The following SIDT1 variants were observed in gnomAD, a reference collection of about 807,000 sequenced individuals.
The protein encoded by SIDT1 is SID1 transmembrane family, member 1.
SIDT1 carries 101 observed loss-of-function variants against 107.5 expected under a neutral mutation model. The ratio of observed to expected loss-of-function variants is 0.94; its 90% CI spans 0.80 to 1.11. SIDT1 has a LOEUF of 1.11. Among genes scored for constraint, SIDT1 ranks in the 50% least tolerant of loss-of-function variants. The probability of loss-of-function intolerance (pLI) is 0.00; values close to 1 mark genes in which losing one functional copy is unlikely to be tolerated. For missense variants in SIDT1, 1,076 were observed against 1,058.2 expected (o/e 1.02, Z -0.23); for synonymous variants, 395 against 398.2 (o/e 0.99, Z 0.10).
At chr3:113,622,162 T>C (rs1231823819) in intron 21 of SIDT1, among the ~76,000 whole-genome samples, 1 of 152,024 alleles carries the variant, frequency 6.6e-6, no homozygotes, top group Non-Finnish European at 1.5e-5. Context: ...TGTGGATGTG[T>C]ATTCATCAAA....
intron 1 of SIDT1, among the ~76,000 whole-genome samples, chr3:113,544,519 A>C (rs1164400950): frequency 6.6e-6 from 1 of 152,106 alleles, no homozygotes; most frequent in Non-Finnish European, 1.5e-5. Context: ...TTTAATCTTA[A>C]TCTGGAACAT....
At chr3:113,636,434 A>AAT in the SIDT1 span, among the ~76,000 whole-genome samples, 2 of 152,076 alleles carry the variant, frequency 1.3e-5, no homozygotes, top group Non-Finnish European at 2.9e-5. Context: ...ATTTAAAGTG[A>AAT]ATTTGCACAT....
chr3:113,616,205 C>T lies in SIDT1; in HGVS notation c.2043+29C>T, dbSNP rs753531157. On this transcript the variant is annotated intron_variant, in intron 20 of 24. Transcript: ENST00000264852. ...TGTGCATGTTCCTGTGTTCTTTGGC[C>T]CTGTCCCAGAAAGCAGGGGAATAGT... 3.2e-6 allele frequency: 5 copies of T among 1,543,444 alleles called. No homozygotes were observed. The African/African-American group carries it at 6.8e-5, about 21-fold the overall frequency.
chr3:113,588,830 C>T (rs1462196987), intron 9 of SIDT1: 1 of 140,698 alleles, frequency 7.1e-6, no homozygotes, highest in African/African-American at 2.6e-5. Flanking sequence ...AAAAAAAAAA[C>T]TTCAGTGGCA....
At chr3:113,621,393 C>G (rs1395242827) in intron 21 of SIDT1, among the ~76,000 whole-genome samples, 1 of 151,412 alleles carries the variant, frequency 6.6e-6, no homozygotes, top group Non-Finnish European at 1.5e-5. Context: ...TTGCTTGAGC[C>G]CAGGAGTTTG....
At chr3:113,623,395 C>A (rs980388958) in intron 21 of SIDT1, 32 bp from the exon 22 acceptor site, 3 of 1,443,360 alleles carry the variant, frequency 2.1e-6, no homozygotes, top group Non-Finnish European at 9.8e-7. Flanking sequence ...AATCCACCTT[C>A]ACGGCTGCCC....
intron 20 of SIDT1, among the ~76,000 whole-genome samples, chr3:113,617,598 G>A (rs1946193640): frequency 6.6e-6 from 1 of 152,202 alleles, no homozygotes; most frequent in Non-Finnish European, 1.5e-5. Context: ...CTAAAAACAA[G>A]GGAATTGAGT....
At chr3:113,608,991 G>A (rs1945543227) in intron 17 of SIDT1, among the ~76,000 whole-genome samples, 1 of 146,308 alleles carries the variant, frequency 6.8e-6, no homozygotes, top group Non-Finnish European at 1.5e-5. Flanking sequence ...CAAGGAAGTT[G>A]TTTTTTGAGA....
chr3:113,615,314 G>A (rs976298316), intron 19 of SIDT1, among the ~76,000 whole-genome samples: 44 of 152,242 alleles, frequency 2.9e-4, no homozygotes, highest in African/African-American at 1.0e-3. Flanking sequence ...CTGACCACGG[G>A]GGTAACCTTG....
chr3:113,608,269 C>G, intron 16 of SIDT1, 52 bp downstream of exon 16: 1 of 1,555,282 alleles, frequency 6.4e-7, no homozygotes, highest in South Asian at 1.2e-5. Flanking sequence ...CAAACAGGAT[C>G]TGCAAAGGGG....
Position 113,608,108 on chromosome 3 carries a change from T to C in SIDT1, c.1493T>C (p.Ile498Thr). The change falls in exon 16 of 25, where the codon ATT becomes ACT. Residue 498 changes from isoleucine to threonine, a missense_variant. Physicochemically the swap from Ile to Thr is moderately conservative, Grantham distance 89. Coordinates refer to ENST00000264852, the MANE Select transcript of SIDT1 (RefSeq NM_017699.3). Reference protein sequence around the residue: ...PLGVLSAFNNILSNLGHVLLG... With the variant: ...PLGVLSAFNNTLSNLGHVLLG... ...CATCCCTGTAGTGCCTTCAACAACA[T>C]TCTCAGCAATCTGGGCCACGTGCTT... The C allele has an allele frequency of 6.2e-7, 1 of 1,608,228 alleles. No homozygotes were observed. The highest frequency in any genetic ancestry group is 1.7e-4 in the Middle Eastern group (1 of 6,034).
intron 22 of SIDT1, 28 bp from the exon 23 acceptor site, chr3:113,623,595 G>A: frequency 1.2e-6 from 2 of 1,604,884 alleles, no homozygotes; most frequent in Non-Finnish European, 8.5e-7. Context: ...GGGGTCGCGT[G>A]AGGCCGCATC....
In SIDT1 at chr3:113,583,407, A is replaced by G. The variant is rs779949746; in HGVS notation, c.748-2A>G. ...ATCATAAGGTTGTTATGTCTTATGC[A>G]GAAGAAGGATTTTCCAGGCGAGCAG... On this transcript the variant is annotated splice_acceptor_variant, in intron 6 of 24. Transcript: ENST00000264852. LOFTEE classifies it high-confidence loss of function. 1.3e-6 allele frequency: 2 copies of G among 1,597,090 alleles called. No individual in the cohort carries two copies. The highest frequency in any genetic ancestry group is 1.1e-5 in the South Asian group (1 of 88,740).
At chr3:113,553,465 A>T (rs1213171818) in intron 1 of SIDT1, among the ~76,000 whole-genome samples, 1 of 152,208 alleles carries the variant, frequency 6.6e-6, no homozygotes, top group Non-Finnish European at 1.5e-5. Context: ...TAGCTCTAGA[A>T]GATACTTGCC....
At chr3:113,608,656 G>C (rs1945517928) in intron 17 of SIDT1, 120 bp downstream of exon 17, 2 of 732,182 alleles carry the variant, frequency 2.7e-6, no homozygotes, top group Admixed American at 1.9e-5. Flanking sequence ...GAGCTGAAGA[G>C]ATCAGAGAGG....
chr3:113,537,691 C>T (rs1431080691), intron 1 of SIDT1, among the ~76,000 whole-genome samples: 1 of 152,328 alleles, frequency 6.6e-6, no homozygotes, highest in East Asian at 1.9e-4. Flanking sequence ...CTGGTGAGGC[C>T]CTGCTTCCTG....
At chr3:113,597,814 G>A (rs1944681518) in intron 10 of SIDT1, among the ~76,000 whole-genome samples, 1 of 152,178 alleles carries the variant, frequency 6.6e-6, no homozygotes, top group South Asian at 2.1e-4. Flanking sequence ...ACAATCGTAA[G>A]TGTCTGCTAT....
chr3:113,562,273 T>G (rs953328136), intron 1 of SIDT1, among the ~76,000 whole-genome samples: 1 of 152,186 alleles, frequency 6.6e-6, no homozygotes, highest in South Asian at 2.1e-4. Context: ...ATTACTGGAA[T>G]GTAAAATGAT....
At chr3:113,599,951 A>G (rs1232668242) in intron 10 of SIDT1, among the ~76,000 whole-genome samples, 2 of 152,230 alleles carry the variant, frequency 1.3e-5, no homozygotes, top group Non-Finnish European at 2.9e-5. Flanking sequence ...AGCTATAGCA[A>G]TCATTTCACT....
Sources: allele counts gnomAD v4.1 joint callset (sites outside exome capture counted in the v4.1 genomes callset), GRCh38; gene constraint gnomAD v4.1.1; transcripts MANE v1.5; gene names NCBI Gene and HGNC (gene_info 2026-07-23, HGNC 2026-07-21).